Variants in HNRNPC observed in about 807,000 individuals in gnomAD.
HNRNPC encodes heterogeneous nuclear ribonucleoprotein C.
Under a neutral mutation model 33.2 loss-of-function variants are expected in HNRNPC, and 3 were observed. That is an observed-to-expected ratio of 0.09 (90% CI 0.04 to 0.23). The LOEUF is 0.23. Among genes scored for constraint, HNRNPC ranks in the 10% least tolerant of loss-of-function variants. The pLI is 1.00. For synonymous variants in HNRNPC, 121 were observed against 126.7 expected (o/e 0.96, Z 0.30); for missense variants, 143 against 366.7 (o/e 0.39, Z 4.98).
intron 5 of HNRNPC, among the ~76,000 whole-genome samples, chr14:21,219,369 T>C (rs1039756729): frequency 1.3e-5 from 2 of 152,116 alleles, no homozygotes; most frequent in Non-Finnish European, 2.9e-5. Flanking sequence ...ACCAAAAGGG[T>C]GAATTTTATT....
chr14:21,252,246 G>C (rs1896752600), intron 2 of HNRNPC, among the ~76,000 whole-genome samples: 1 of 152,108 alleles, frequency 6.6e-6, no homozygotes, highest in Non-Finnish European at 1.5e-5. Flanking sequence ...AAATAAAACA[G>C]CATTGAGGAA....
chr14:21,263,387 CA>C (rs1361425827), intron 1 of HNRNPC, 51 bp from the exon 2 acceptor site: 1 of 152,334 alleles, frequency 6.6e-6, no homozygotes, highest in African/African-American at 2.4e-5. Context: ...ACGGGAGGTG[CA>C]AAAATGTCAA....
intron 2 of HNRNPC, among the ~76,000 whole-genome samples, chr14:21,248,615 G>A (rs931874206): frequency 3.9e-5 from 6 of 152,092 alleles, no homozygotes. Flanking sequence ...ACAAACAGGT[G>A]ACTAACAATA....
chr14:21,223,717 G>C (rs925382163), intron 5 of HNRNPC, among the ~76,000 whole-genome samples: 2 of 152,056 alleles, frequency 1.3e-5, no homozygotes, highest in African/African-American at 2.4e-5. Flanking sequence ...CACTGCACTC[G>C]AGCCTGGGCA....
intron 2 of HNRNPC, among the ~76,000 whole-genome samples, chr14:21,237,105 C>T (rs1345611455): frequency 2.0e-5 from 3 of 152,174 alleles, no homozygotes; most frequent in Non-Finnish European, 4.4e-5. Context: ...GCACAAGGGA[C>T]TTCAATAAAA....
chr14:21,248,019 A>T (rs1003151004), intron 2 of HNRNPC, among the ~76,000 whole-genome samples: 2 of 151,948 alleles, frequency 1.3e-5, no homozygotes, highest in Non-Finnish European at 2.9e-5. Flanking sequence ...CCGTATCATC[A>T]CAAATTCAAG....
At chr14:21,227,590 T>C (rs1192026100) in intron 5 of HNRNPC, among the ~76,000 whole-genome samples, 1 of 152,224 alleles carries the variant, frequency 6.6e-6, no homozygotes, top group Non-Finnish European at 1.5e-5. Flanking sequence ...TAATATATTG[T>C]TGTCTATTGA....
chr14:21,219,820 C>T (rs1892626704), intron 5 of HNRNPC, among the ~76,000 whole-genome samples: 1 of 152,310 alleles, frequency 6.6e-6, no homozygotes, highest in East Asian at 1.9e-4. Flanking sequence ...TCAACTTTAA[C>T]ATGTCCACAA....
chr14:21,218,394 C>T (rs1406383251), intron 5 of HNRNPC, among the ~76,000 whole-genome samples: 1 of 152,008 alleles, frequency 6.6e-6, no homozygotes, highest in African/African-American at 2.4e-5. Context: ...TTTTAAAAAA[C>T]TAAAATTGAG....
At chr14:21,212,069 C>A (rs1370766670) in intron 6 of HNRNPC, 146 bp from the exon 7 acceptor site, 5 of 639,424 alleles carry the variant, frequency 7.8e-6, no homozygotes. Context: ...TAATAAAGGC[C>A]CTTGGTTCTA....
intron 2 of HNRNPC, among the ~76,000 whole-genome samples, chr14:21,243,177 G>A (rs934140276): frequency 2.0e-5 from 3 of 152,150 alleles, no homozygotes; most frequent in Non-Finnish European, 2.9e-5. Flanking sequence ...TTTTTATCTA[G>A]ATAATTTTAC....
intron 5 of HNRNPC, among the ~76,000 whole-genome samples, chr14:21,222,717 T>C (rs1892971586): frequency 6.6e-6 from 1 of 151,036 alleles, no homozygotes; most frequent in African/African-American, 2.4e-5. Context: ...ACGGTGAAAC[T>C]GCGTCTCTAC....
chr14:21,234,525 A>G (rs1894462370), intron 2 of HNRNPC, among the ~76,000 whole-genome samples: 1 of 152,230 alleles, frequency 6.6e-6, no homozygotes, highest in South Asian at 2.1e-4. Flanking sequence ...TTCCTTGGAC[A>G]TAATTCCAAG....
intron 2 of HNRNPC, chr14:21,234,755 T>C (rs1039740992): frequency 3.9e-5 from 6 of 152,782 alleles, no homozygotes; most frequent in Admixed American, 2.6e-4. Flanking sequence ...TTAATATGGA[T>C]AGCTTACACT....
chr14:21,268,594 T>C (rs1480299548), intron 1 of HNRNPC: 1 of 152,198 alleles, frequency 6.6e-6, no homozygotes, highest in Admixed American at 6.6e-5. Flanking sequence ...TGCCTCAGTT[T>C]CCGTCTGAGA....
chr14:21,240,407 A>G (rs767875130), intron 2 of HNRNPC, among the ~76,000 whole-genome samples: 2 of 152,238 alleles, frequency 1.3e-5, no homozygotes, highest in African/African-American at 4.8e-5. Flanking sequence ...TTGAAAATAT[A>G]TTTATAAAAA....
chr14:21,222,400 C>T (rs1295511469), intron 5 of HNRNPC, among the ~76,000 whole-genome samples: 2 of 151,488 alleles, frequency 1.3e-5, no homozygotes, highest in Non-Finnish European at 2.9e-5. Flanking sequence ...TTTTCCTGTA[C>T]GGATTTGCCT....
intron 2 of HNRNPC, among the ~76,000 whole-genome samples, chr14:21,260,007 G>A (rs1322520912): frequency 1.3e-5 from 2 of 149,950 alleles, no homozygotes; most frequent in East Asian, 1.9e-4. Flanking sequence ...AGACCATCCC[G>A]GCTAAAACGG....
intron 2 of HNRNPC, among the ~76,000 whole-genome samples, chr14:21,261,272 G>A (rs1170596381): frequency 1.3e-5 from 2 of 151,978 alleles, no homozygotes; most frequent in African/African-American, 2.4e-5. Flanking sequence ...AACACAACAT[G>A]TCCCATAAAA....
Sources: allele counts gnomAD v4.1 joint callset (sites outside exome capture counted in the v4.1 genomes callset), GRCh38; gene constraint gnomAD v4.1.1; transcripts MANE v1.5; gene names NCBI Gene and HGNC (gene_info 2026-07-23, HGNC 2026-07-21).